PIGU: variants seen among roughly 807,000 people sequenced by gnomAD.
PIGU encodes GPI-anchor transamidase component PIGU.
PIGU carries 24 observed loss-of-function variants against 49.9 expected under a neutral mutation model. The observed-to-expected ratio is 0.48, with a 90% confidence interval of 0.35 to 0.68. The LOEUF is 0.68. Among genes scored for constraint, PIGU ranks in the 30% least tolerant of loss-of-function variants. The pLI, the probability that PIGU is intolerant of heterozygous loss-of-function variation, is 0.01. For synonymous variants in PIGU, 220 were observed against 205.7 expected, an observed-to-expected ratio of 1.07 and a Z score of -0.59; for missense variants, 490 against 532.6, an observed-to-expected ratio of 0.92 and a Z score of 0.79.
rs1281297029 is a variant in PIGU, at chr20:34,630,617, C to CA, written c.529+3997dup. Among the ~76,000 whole-genome samples, 3 of 152,208 alleles carry CA rather than the reference C, an allele frequency of 2.0e-5. No homozygotes were observed. The East Asian group carries it at 5.8e-4, about 29-fold the overall frequency. On this transcript the variant is annotated intron_variant, in intron 6 of 11. Transcript: ENST00000217446. ...AAGCCCTGCCCATGCACGGAGTCTC[C>CA]AGTCAATATGTTAGTGCTTCATTTA...
At position 34,649,469 on chromosome 20, in the gene PIGU, T is replaced by C. The variant is rs187472368; in HGVS notation, c.196-4135A>G. 1.1e-3 allele frequency among the ~76,000 whole-genome samples: 167 copies of C among 152,008 alleles called. 2 individuals carry two copies. Among genetic ancestry groups the C allele is most frequent in the Admixed American group, 0.01 (153 of 15,254 alleles). On this transcript the variant is annotated intron_variant, in intron 2 of 11. Coordinates refer to ENST00000217446, the MANE Select transcript of PIGU (RefSeq NM_080476.5). ...TATTTTCAACAGACTTTATCTTCCA[T>C]ATTACTAATCTTCTCTTTAGCTTTG...
Position 34,670,173 on chromosome 20 carries a change from T to C in PIGU, c.130+6783A>G, listed in dbSNP as rs555371277. On this transcript the variant is annotated intron_variant, in intron 1 of 11. Coordinates refer to ENST00000217446, the MANE Select transcript of PIGU (RefSeq NM_080476.5). Reference sequence around the variant, plus strand: ...TGTTATGTGTGTCTTACAAATTCTGTTTAATTTTGTAATAACGGCTTTTTT... The same window carrying C: ...TGTTATGTGTGTCTTACAAATTCTGCTTAATTTTGTAATAACGGCTTTTTT... Among the ~76,000 whole-genome samples, 11 of 146,532 alleles carry C rather than the reference T, an allele frequency of 7.5e-5. No individual in the cohort carries two copies. The South Asian group carries it at 2.2e-3, about 29-fold the overall frequency.
At chr20:34,637,713 T>C (rs1986011504) in intron 5 of PIGU, among the ~76,000 whole-genome samples, 163 bp downstream of exon 5, 1 of 152,178 alleles carries the variant, frequency 6.6e-6, no homozygotes, top group South Asian at 2.1e-4. Context: ...CTGTCTCTTT[T>C]GCTGGCCAGA....
At chr20:34,649,606 C>T (rs1019118262) in intron 2 of PIGU, among the ~76,000 whole-genome samples, 23 of 151,446 alleles carry the variant, frequency 1.5e-4, no homozygotes, top group African/African-American at 3.6e-4. Flanking sequence ...CTGCAACTTC[C>T]GCCTCCCAGG....
chr20:34,674,947 GAAA>G (rs71196750), intron 1 of PIGU, among the ~76,000 whole-genome samples: 3 of 127,898 alleles, frequency 2.3e-5, no homozygotes, highest in East Asian at 2.3e-4. Context: ...GTCTCTTGAA[GAAA>G]AAAAAAAAAA....
At chr20:34,612,843 A>T (rs2146737749) in intron 7 of PIGU, among the ~76,000 whole-genome samples, 2 of 152,046 alleles carry the variant, frequency 1.3e-5, no homozygotes, top group African/African-American at 4.8e-5. Context: ...GGCTGGTCTC[A>T]AACTCCTGAC....
At chr20:34,645,203 A>G in intron 3 of PIGU, 72 bp downstream of exon 3, 2 of 1,307,592 alleles carry the variant, frequency 1.5e-6, no homozygotes, top group East Asian at 3.0e-5. Flanking sequence ...AAAAAAAAAA[A>G]GAGAGAGAGA....
intron 1 of PIGU, among the ~76,000 whole-genome samples, chr20:34,660,397 C>T (rs539539380): frequency 6.6e-6 from 1 of 152,264 alleles, no homozygotes; most frequent in East Asian, 1.9e-4. Flanking sequence ...CCAGCCTGGC[C>T]AACATGGCAA....
At chr20:34,601,876 T>C (rs1369824065) in intron 7 of PIGU, among the ~76,000 whole-genome samples, 1 of 152,264 alleles carries the variant, frequency 6.6e-6, no homozygotes. Flanking sequence ...TTTGTCTCTA[T>C]ATTTTATTTG....
intron 6 of PIGU, among the ~76,000 whole-genome samples, chr20:34,620,809 CAAA>C (rs71194628): frequency 2.0e-4 from 25 of 127,818 alleles, no homozygotes; most frequent in Admixed American, 1.0e-3. Context: ...TAAAAAAAAA[CAAA>C]AAAAAAACAA....
chr20:34,628,157 G>A (rs1413343083), intron 6 of PIGU, among the ~76,000 whole-genome samples: 1 of 152,040 alleles, frequency 6.6e-6, no homozygotes, highest in Non-Finnish European at 1.5e-5. Flanking sequence ...ACTCTTACAC[G>A]CTTCTTATGG....
intron 9 of PIGU, 144 bp from the exon 10 acceptor site, chr20:34,581,816 C>T (rs1983485646): frequency 2.7e-6 from 3 of 1,128,200 alleles, no homozygotes; most frequent in Non-Finnish European, 3.7e-6. Flanking sequence ...AAGGCATGGG[C>T]CAGGCCCCAG....
In PIGU at chr20:34,566,711, A is replaced by G. The variant is rs1268942568; in HGVS notation, c.1195-5732T>C. On this transcript the variant is annotated intron_variant, in intron 11 of 11. Transcript: ENST00000217446. ...GGTTATGGGCCCTGCAAAAGGTCAC[A>G]TGGTAGGAAGTGAAGAGTTAGGGGC... Among the ~76,000 whole-genome samples the G allele has an allele frequency of 2.6e-5, 4 of 152,104 alleles. No individual in the cohort carries two copies. In the East Asian group the frequency reaches 7.7e-4, roughly 29 times the overall value.
chr20:34,615,013 A>G (rs1044967471), intron 7 of PIGU, among the ~76,000 whole-genome samples: 3 of 152,184 alleles, frequency 2.0e-5, no homozygotes. Context: ...GTAGAACAAG[A>G]TGATTAGAGA....
chr20:34,607,997 T>C (rs1984678712), intron 7 of PIGU, among the ~76,000 whole-genome samples: 1 of 152,022 alleles, frequency 6.6e-6, no homozygotes, highest in African/African-American at 2.4e-5. Context: ...ACTGGTAAAA[T>C]AGCCACATCT....
At chr20:34,668,817 G>A (rs1354513790) in intron 1 of PIGU, among the ~76,000 whole-genome samples, 1 of 146,562 alleles carries the variant, frequency 6.8e-6, no homozygotes, top group Admixed American at 6.8e-5. Context: ...AATGCAATAT[G>A]GAATATTAGA....
chr20:34,621,905 C>T (rs1285997783), intron 6 of PIGU, among the ~76,000 whole-genome samples: 2 of 152,132 alleles, frequency 1.3e-5, no homozygotes, highest in African/African-American at 2.4e-5. Context: ...GCAGACCTAG[C>T]CCATCAGGGG....
intron 1 of PIGU, among the ~76,000 whole-genome samples, chr20:34,668,419 G>T (rs966625896): frequency 8.2e-6 from 1 of 121,612 alleles, no homozygotes; most frequent in Non-Finnish European, 1.6e-5. Flanking sequence ...CCGAGATCTC[G>T]CCACTGCACT....
chr20:34,623,445 T>C (rs1985325372), intron 6 of PIGU, among the ~76,000 whole-genome samples: 1 of 152,214 alleles, frequency 6.6e-6, no homozygotes, highest in Non-Finnish European at 1.5e-5. Context: ...TTACTTGCCT[T>C]AAGCCATTTA....
Sources: gnomAD v4.1 joint callset for allele counts (sites outside exome capture counted in the v4.1 genomes callset) on GRCh38, gnomAD v4.1.1 for gene constraint, MANE v1.5 for transcripts, NCBI Gene and HGNC (gene_info 2026-07-23, HGNC 2026-07-21) for gene names.